ABRAXAS2: variants seen among roughly 807,000 people sequenced by gnomAD.
ABRAXAS2 encodes abraxas 2, BRISC complex subunit.
Under a neutral mutation model 49.0 loss-of-function variants are expected in ABRAXAS2, and 23 were observed. That is an observed-to-expected ratio of 0.47 (90% CI 0.34 to 0.66). ABRAXAS2 has a LOEUF of 0.66. Among genes scored for constraint, ABRAXAS2 ranks in the 30% least tolerant of loss-of-function variants. The pLI is 0.01. For synonymous variants in ABRAXAS2, 168 were observed against 180.2 expected, an observed-to-expected ratio of 0.93 and a Z score of 0.54; for missense variants, 443 against 511.9, an observed-to-expected ratio of 0.87 and a Z score of 1.30.
intron 4 of ABRAXAS2, 99 bp from the exon 5 acceptor site, chr10:124,826,496 C>A: frequency 8.1e-7 from 1 of 1,232,134 alleles, no homozygotes; most frequent in Non-Finnish European, 1.1e-6. Context: ...GGCTTTTGCA[C>A]ATAAAGCTAC....
At chr10:124,805,813 A>G (rs1950738722) in intron 1 of ABRAXAS2, among the ~76,000 whole-genome samples, 1 of 152,132 alleles carries the variant, frequency 6.6e-6, no homozygotes, top group Admixed American at 6.6e-5. Context: ...ATATCTGGGG[A>G]GAGAGATTCC....
chr10:124,824,880 C>CAATTT (rs1950887380), intron 4 of ABRAXAS2, among the ~76,000 whole-genome samples: 1 of 152,162 alleles, frequency 6.6e-6, no homozygotes. Flanking sequence ...AGGAAAACTA[C>CAATTT]TTTTACCTTT....
intron 4 of ABRAXAS2, among the ~76,000 whole-genome samples, chr10:124,821,118 G>A (rs2134166751): frequency 6.6e-6 from 1 of 152,052 alleles, no homozygotes; most frequent in African/African-American, 2.4e-5. Flanking sequence ...TTGCCATGTT[G>A]CTCAGGCTGG....
intron 2 of ABRAXAS2, among the ~76,000 whole-genome samples, chr10:124,811,601 G>A (rs1950788412): frequency 6.6e-6 from 1 of 151,670 alleles, no homozygotes; most frequent in Admixed American, 6.6e-5. Flanking sequence ...AGCTGGGTAT[G>A]GTGACACGGG....
At chr10:124,803,672 C>T (rs1397130719) in intron 1 of ABRAXAS2, among the ~76,000 whole-genome samples, 6 of 152,130 alleles carry the variant, frequency 3.9e-5, no homozygotes, top group African/African-American at 1.2e-4. Flanking sequence ...GAGGCTGAGG[C>T]GGGCAGATCA....
In ABRAXAS2 at chr10:124,834,624, G is replaced by T. The variant is rs143696470; in HGVS notation, c.901G>T (p.Ala301Ser). The change falls in exon 9 of 9, where the codon GCC (alanine) becomes TCC (serine). Residue 301 changes from alanine to serine, a missense_variant. By Grantham distance (99) the Ala-to-Ser change is moderately conservative (BLOSUM62 1). Coordinates refer to ENST00000298492, the MANE Select transcript of ABRAXAS2 (RefSeq NM_032182.4). ...EGRSTLGDAE[A>S]SDPPPPYSDF... ...CAGAAGTACACTTGGAGATGCAGAG[G>T]CCTCGGATCCTCCTCCCCCTTACTC... 3.2e-5 allele frequency: 52 copies of T among 1,613,988 alleles called. No homozygotes were observed. The highest frequency in any genetic ancestry group is 3.6e-5 in the Non-Finnish European group (43 of 1,180,032).
At position 124,826,762 on chromosome 10, in the gene ABRAXAS2, T is replaced by C; in HGVS notation, c.435T>C (p.Tyr145=). ...ACAATTCCACTCACGCTTTAGAATATGTGCTCTTCAGACCAAATAGAAGGT... is the reference window on the plus strand; with the variant it reads ...ACAATTCCACTCACGCTTTAGAATACGTGCTCTTCAGACCAAATAGAAGGT... ...TANNSTHALE[Y]VLFRPNRRYN... is the part of the protein sequence containing the mutation. Residue 145 remains tyrosine, a synonymous_variant, in exon 5 of 9, where the codon TAT becomes TAC. Coordinates refer to ENST00000298492, the MANE Select transcript of ABRAXAS2 (RefSeq NM_032182.4). 1 of 1,614,222 alleles carries C rather than the reference T, an allele frequency of 6.2e-7. No individual in the cohort carries two copies. Among genetic ancestry groups the C allele is most frequent in the Non-Finnish European group, 8.5e-7 (1 of 1,180,034 alleles).
intron 2 of ABRAXAS2, among the ~76,000 whole-genome samples, chr10:124,808,366 C>T (rs907962782): frequency 6.6e-6 from 1 of 152,036 alleles, no homozygotes; most frequent in Non-Finnish European, 1.5e-5. Context: ...TTAGTAGAGA[C>T]GGGTTTTCAC....
At chr10:124,827,488 G>A (rs1053308142) in intron 5 of ABRAXAS2, among the ~76,000 whole-genome samples, 8 of 151,922 alleles carry the variant, frequency 5.3e-5, no homozygotes, top group African/African-American at 1.7e-4. Context: ...GGTTACGGAA[G>A]GTATTTTTCT....
At chr10:124,821,010 C>T in intron 4 of ABRAXAS2, among the ~76,000 whole-genome samples, 1 of 151,490 alleles carries the variant, frequency 6.6e-6, no homozygotes, top group Non-Finnish European at 1.5e-5. Flanking sequence ...ACCTCCCAGG[C>T]TCAGGTGATC....
chr10:124,818,804 G>T (rs1350849199), intron 3 of ABRAXAS2, among the ~76,000 whole-genome samples: 1 of 152,194 alleles, frequency 6.6e-6, no homozygotes, highest in Non-Finnish European at 1.5e-5. Context: ...AAGCTAGCCA[G>T]ACCTGGCTTC....
In ABRAXAS2 at chr10:124,826,124, T is replaced by C. The variant is rs572076802; in HGVS notation, c.268-471T>C. ...AACACATATCTCAAATGTATGCTCT[T>C]AGAAGTTTGATGTATGTGTAAACTT... On this transcript the variant is annotated intron_variant, in intron 4 of 8. Coordinates refer to ENST00000298492, the MANE Select transcript of ABRAXAS2 (RefSeq NM_032182.4). 7.0e-4 allele frequency among the ~76,000 whole-genome samples: 106 copies of C among 152,384 alleles called. 3 individuals carry two copies. In the South Asian group the frequency reaches 0.021, roughly 30 times the overall value.
Position 124,829,380 on chromosome 10 carries a change from G to C in ABRAXAS2, c.579-13G>C, listed in dbSNP as rs770745168. 1 of 1,584,664 alleles carries C rather than the reference G, an allele frequency of 6.3e-7. No individual in the cohort carries two copies. Among genetic ancestry groups the C allele is most frequent in the Non-Finnish European group, 8.6e-7 (1 of 1,158,680 alleles). ...GATAACCTTGAGGCATCTTTTTTCT[G>C]TTTGTCTTCCAGTACTGACTTTTTT... is the stretch of plus-strand genomic sequence containing the variant. On this transcript the variant is annotated splice_polypyrimidine_tract_variant and intron_variant, in intron 6 of 8. Coordinates refer to ENST00000298492, the MANE Select transcript of ABRAXAS2 (RefSeq NM_032182.4).
At chr10:124,831,724 G>A (rs1042653803) in intron 8 of ABRAXAS2, among the ~76,000 whole-genome samples, 2 of 151,386 alleles carry the variant, frequency 1.3e-5, no homozygotes, top group African/African-American at 4.9e-5. Flanking sequence ...TAAATCCCAA[G>A]AAGTTATTGA....
At position 124,826,802 on chromosome 10, in the gene ABRAXAS2, C is replaced by T. The variant is rs1222893711; in HGVS notation, c.458+17C>T. The T allele has an allele frequency of 1.2e-6, 2 of 1,611,890 alleles. No homozygotes were observed. The highest frequency in any genetic ancestry group is 1.3e-5 in the African/African-American group (1 of 74,864). ...AAATAGAAGGTAAAGCTTGCTTTTC[C>T]ATCTGCCTCACATATAAGAAGGACG... On this transcript the variant is annotated intron_variant, in intron 5 of 8. Transcript: ENST00000298492.
chr10:124,818,837 C>T (rs898343415), intron 3 of ABRAXAS2, among the ~76,000 whole-genome samples: 1 of 152,142 alleles, frequency 6.6e-6, no homozygotes, highest in African/African-American at 2.4e-5. Context: ...TTCTGTCTAC[C>T]AGCCCTGTGA....
chr10:124,805,340 CAA>C (rs918638865), intron 1 of ABRAXAS2, among the ~76,000 whole-genome samples: 36 of 84,756 alleles, frequency 4.2e-4, no homozygotes, highest in Admixed American at 3.9e-3. Context: ...GACTCCGTCT[CAA>C]AAAAAAAAAA....
In ABRAXAS2 at chr10:124,815,340, G is replaced by A. The variant is rs560318643; in HGVS notation, c.164-1236G>A. 9.2e-5 allele frequency among the ~76,000 whole-genome samples: 14 copies of A among 152,094 alleles called. No individual in the cohort carries two copies. The East Asian group carries it at 1.5e-3, about 17-fold the overall frequency. ...CTCCCAAGTAGCTGGGACTACAGGC[G>A]CCCACCAACACGCCTGGCTAATTTT... On this transcript the variant is annotated intron_variant, in intron 2 of 8. Transcript: ENST00000298492.
intron 8 of ABRAXAS2, among the ~76,000 whole-genome samples, chr10:124,833,145 C>CAAAA (rs1249214741): frequency 1.8e-5 from 2 of 114,072 alleles, no homozygotes; most frequent in African/African-American, 7.1e-5. Context: ...GACTCTGTCT[C>CAAAA]AAAAAAAAAA....
Sources: allele counts gnomAD v4.1 joint callset (sites outside exome capture counted in the v4.1 genomes callset), GRCh38; gene constraint gnomAD v4.1.1; transcripts MANE v1.5; gene names NCBI Gene and HGNC (gene_info 2026-07-23, HGNC 2026-07-21).